The following SDK2 variants were observed in gnomAD, a reference collection of about 807,000 sequenced individuals.
The protein encoded by SDK2 is sidekick cell adhesion molecule 2.
Under a neutral mutation model 253.9 loss-of-function variants are expected in SDK2, and 105 were observed. The ratio of observed to expected loss-of-function variants is 0.41; its 90% CI spans 0.35 to 0.49. The LOEUF is 0.49. SDK2 is among the 20% of genes least tolerant of loss of function. The pLI is 0.06. For missense variants in SDK2, 2,608 were observed against 3,003.0 expected (o/e 0.87, Z 3.07); for synonymous variants, 1,249 against 1,234.9 (o/e 1.01, Z -0.24).
chr17:73,403,309 A>G (rs1467674409), intron 18 of SDK2, among the ~76,000 whole-genome samples: 1 of 152,120 alleles, frequency 6.6e-6, no homozygotes, highest in East Asian at 1.9e-4. Context: ...CACTCCTTCT[A>G]AGTTGGGATT....
At chr17:73,436,574 C>A in intron 8 of SDK2, among the ~76,000 whole-genome samples, 2 of 78,802 alleles carry the variant, frequency 2.5e-5, no homozygotes, top group South Asian at 5.6e-4. Context: ...GAGACTCAGT[C>A]TCAAAAAAAA....
At chr17:73,535,022 T>A (rs1484473398) in intron 1 of SDK2, among the ~76,000 whole-genome samples, 1 of 152,168 alleles carries the variant, frequency 6.6e-6, no homozygotes. Context: ...CCCCAGGACA[T>A]CCTGGAATCT....
intron 2 of SDK2, among the ~76,000 whole-genome samples, chr17:73,505,478 G>GTCA (rs147048423): frequency 2.6e-5 from 4 of 151,300 alleles, no homozygotes; most frequent in Non-Finnish European, 4.4e-5. Context: ...CATTGTTATT[G>GTCA]TCATCATCAT....
rs762110670 is a variant in SDK2, at chr17:73,402,124, C to T, written c.2502G>A (p.Pro834=). ...CCATGGTAACCTCCTCTTCCTGTTCCGGCTCCCAGGCGATCAGCTGCGGAG... is the reference window on the plus strand; with the variant it reads ...CCATGGTAACCTCCTCTTCCTGTTCTGGCTCCCAGGCGATCAGCTGCGGAG... ...NQGYKLIAWE[P]EQEEEVTMVT... is the part of the protein sequence containing the mutation. The change falls in exon 19 of 45, where the codon CCG becomes CCA. Residue 834 remains proline, a synonymous_variant. Transcript: ENST00000392650. 3.1e-6 allele frequency: 5 copies of T among 1,613,502 alleles called. No individual in the cohort carries two copies. The highest frequency in any genetic ancestry group is 1.3e-5 in the African/African-American group (1 of 74,936).
At chr17:73,515,843 C>T (rs540064783) in intron 1 of SDK2, among the ~76,000 whole-genome samples, 1 of 152,332 alleles carries the variant, frequency 6.6e-6, no homozygotes, top group Non-Finnish European at 1.5e-5. Flanking sequence ...CTGGGCCTTA[C>T]CTGTCTCATC....
intron 1 of SDK2, among the ~76,000 whole-genome samples, chr17:73,556,637 T>A (rs565366614): frequency 6.6e-6 from 1 of 152,376 alleles, no homozygotes; most frequent in African/African-American, 2.4e-5. Flanking sequence ...GCTGTTATTG[T>A]ATGGTTGTTA....
chr17:73,386,246 GCTGGGC>G (rs913691965), intron 31 of SDK2, among the ~76,000 whole-genome samples, 193 bp downstream of exon 31: 3 of 152,218 alleles, frequency 2.0e-5, no homozygotes, highest in Admixed American at 1.3e-4. Flanking sequence ...CACAGGCCAG[GCTGGGC>G]CTGGGACCCT....
chr17:73,456,964 C>G (rs989166320), intron 3 of SDK2, among the ~76,000 whole-genome samples: 27 of 152,226 alleles, frequency 1.8e-4, no homozygotes, highest in African/African-American at 6.3e-4. Flanking sequence ...AGGCACCACA[C>G]CTGGGCACCT....
At chr17:73,549,312 C>A (rs1362971789) in intron 1 of SDK2, among the ~76,000 whole-genome samples, 1 of 152,208 alleles carries the variant, frequency 6.6e-6, no homozygotes, top group African/African-American at 2.4e-5. Flanking sequence ...GGGCTGCTCA[C>A]TGTTGAAGAA....
Position 73,494,453 on chromosome 17 carries a change from C to T in SDK2, c.224+12985G>A, listed in dbSNP as rs566757542. Among the ~76,000 whole-genome samples, 4 of 152,248 alleles carry T rather than the reference C, an allele frequency of 2.6e-5. No homozygotes were observed. The South Asian group carries it at 8.3e-4, about 32-fold the overall frequency. On this transcript the variant is annotated intron_variant, in intron 2 of 44. Coordinates refer to ENST00000392650, the MANE Select transcript of SDK2 (RefSeq NM_001144952.2). Reference sequence around the variant, plus strand: ...ACCCATCGTCCATCTCCAGCTTCCTCGGGAGTGGGGGACCCATTTTCTCCC... The same window carrying T: ...ACCCATCGTCCATCTCCAGCTTCCTTGGGAGTGGGGGACCCATTTTCTCCC...
At position 73,437,730 on chromosome 17, in the gene SDK2, C is replaced by A. The variant is rs766580323; in HGVS notation, c.1000+9G>T. ...TCTTTGTCCCCCTCCAGCGGTGCCA[C>A]CTCATTACCTTTGGCCTGACAGGGG... On this transcript the variant is annotated intron_variant, in intron 8 of 44. Coordinates refer to ENST00000392650, the MANE Select transcript of SDK2 (RefSeq NM_001144952.2). 2 of 1,612,244 alleles carry A rather than the reference C, an allele frequency of 1.2e-6. No individual in the cohort carries two copies. The highest frequency in any genetic ancestry group is 1.3e-5 in the African/African-American group (1 of 75,010).
At position 73,393,634 on chromosome 17, in the gene SDK2, T is replaced by G; in HGVS notation, c.3824A>C (p.Gln1275Pro). Residue 1275 changes from glutamine (Q) to proline (P), a missense_variant, in exon 27 of 45, where the codon CAG becomes CCG. Transcript: ENST00000392650. ...GLGKYVLYEV[Q>P]VLAFTRIGDG... is the part of the protein sequence containing the mutation. ...CCCGATGCGTGTGAAGGCCAGCACCTGGACTTCATAGAGCACGTATTTGCC... is the reference window on the plus strand; with the variant it reads ...CCCGATGCGTGTGAAGGCCAGCACCGGGACTTCATAGAGCACGTATTTGCC... The G allele has an allele frequency of 1.0e-5, 16 of 1,597,966 alleles. No individual in the cohort carries two copies. The highest frequency in any genetic ancestry group is 1.4e-5 in the Non-Finnish European group (16 of 1,168,176).
intron 8 of SDK2, among the ~76,000 whole-genome samples, chr17:73,436,267 C>T (rs1217391119): frequency 2.1e-5 from 3 of 146,310 alleles, no homozygotes; most frequent in East Asian, 2.1e-4. Context: ...CAGCCTGGCA[C>T]ATTGTTTTCA....
At position 73,374,593 on chromosome 17, in the gene SDK2, C is replaced by G. The variant is rs1295590995; in HGVS notation, c.4980+4584G>C. ...AGGGATTCTTTTGCCTCAGCCTCCC[C>G]AGTAGCTGGAATTACAAGCATGCGC... On this transcript the variant is annotated intron_variant, in intron 36 of 44. Coordinates refer to ENST00000392650, the MANE Select transcript of SDK2 (RefSeq NM_001144952.2). Among the ~76,000 whole-genome samples the G allele has an allele frequency of 9.7e-5, 14 of 143,738 alleles. 3 individuals carry two copies. The highest frequency in any genetic ancestry group is 3.4e-4 in the African/African-American group (12 of 35,762). 94.3% of individuals were successfully genotyped at this position (143,738 alleles called of 152,430 possible). A position where few individuals can be genotyped will look rare whatever the true frequency, so the allele number is the denominator to read the frequency against.
chr17:73,551,161 C>T (rs560041256), intron 1 of SDK2, among the ~76,000 whole-genome samples: 4 of 152,294 alleles, frequency 2.6e-5, no homozygotes, highest in Admixed American at 6.5e-5. Flanking sequence ...CCACAAAGCA[C>T]GCTAGCCGGG....
chr17:73,479,776 C>T (rs1435137799), intron 2 of SDK2, among the ~76,000 whole-genome samples: 1 of 152,170 alleles, frequency 6.6e-6, no homozygotes, highest in Non-Finnish European at 1.5e-5. Flanking sequence ...CTGCAACCTC[C>T]GTCTCCTGGG....
Position 73,361,917 on chromosome 17 carries a change from AAGCGGCCGT to A in SDK2, c.5306-81_5306-73del. ...GGCACTGGAGGCCATGGGGAAGGGG[AAGCGGCCGT>A]GGCCTGGGCCCCGGGACCCTGGGTA... On this transcript the variant is annotated intron_variant, in intron 38 of 44. Coordinates refer to ENST00000392650, the MANE Select transcript of SDK2 (RefSeq NM_001144952.2). This position sits in a 1 kb window ranked among gnomAD's most constrained non-coding sequence, Gnocchi z 4.1. The A allele has an allele frequency of 6.9e-7, 1 of 1,459,522 alleles. No individual in the cohort carries two copies. The highest frequency in any genetic ancestry group is 9.2e-7 in the Non-Finnish European group (1 of 1,085,618). The allele number at this position is 1,459,522 out of a possible 1,614,324, so 90.4% of individuals were successfully genotyped here. A position where few individuals can be genotyped will look rare whatever the true frequency, so the allele number is the denominator to read the frequency against.
chr17:73,476,931 G>T (rs778912987), intron 2 of SDK2, among the ~76,000 whole-genome samples: 4 of 151,542 alleles, frequency 2.6e-5, no homozygotes, highest in Non-Finnish European at 5.9e-5. Context: ...CCTCTCTCCC[G>T]CTCCTCCGCC....
At chr17:73,418,010 G>GTGTT (rs1555765778) in intron 16 of SDK2, among the ~76,000 whole-genome samples, 2 of 128,258 alleles carry the variant, frequency 1.6e-5, no homozygotes, top group Admixed American at 1.8e-4. Context: ...TCCTAGATGA[G>GTGTT]TTTTTTTTTT....
Sources: allele counts gnomAD v4.1 joint callset (sites outside exome capture counted in the v4.1 genomes callset), GRCh38; gene constraint gnomAD v4.1.1; non-coding constraint Gnocchi (gnomAD v3.1); transcripts MANE v1.5; gene names NCBI Gene and HGNC (gene_info 2026-07-23, HGNC 2026-07-21).